CWF19L2: variants seen among roughly 807,000 people sequenced by gnomAD.
The protein encoded by CWF19L2 is CWF19-like protein 2.
CWF19L2 carries 98 observed loss-of-function variants against 111.7 expected under a neutral mutation model. The ratio of observed to expected loss-of-function variants is 0.88; its 90% confidence interval spans 0.75 to 1.04. The LOEUF (loss-of-function observed/expected upper bound fraction) is 1.04, where lower values mean the gene tolerates loss of function less well. Ranked by LOEUF, CWF19L2 falls within the 50% of genes least tolerant of loss-of-function variation. The pLI is 0.00. For missense variants in CWF19L2, 1,101 were observed against 1,051.4 expected (o/e 1.05, Z -0.65); for synonymous variants, 351 against 342.9 (o/e 1.02, Z -0.26).
At chr11:107,335,386 C>A (rs1859907314) in intron 15 of CWF19L2, among the ~76,000 whole-genome samples, 1 of 152,036 alleles carries the variant, frequency 6.6e-6, no homozygotes, top group South Asian at 2.1e-4. Flanking sequence ...AGGTCTTGAA[C>A]TATTTCTGCT....
rs1861428040 is a variant in CWF19L2 at position 107,429,252 on chromosome 11, C to T, written c.980G>A (p.Ser327Asn). The T allele has an allele frequency of 1.9e-6, 3 of 1,612,114 alleles. No homozygotes were observed. The East Asian group carries it at 6.7e-5, about 36-fold the overall frequency. Residue 327 changes from serine to asparagine, a missense_variant, in exon 8 of 18, where the codon AGC (serine) becomes AAC (asparagine). Ser to Asn is a conservative substitution (Grantham distance 46). Transcript: ENST00000282251. ...RYATTDTAKNSNNEKFIGDEK... is the reference protein window; with the variant it reads ...RYATTDTAKNNNNEKFIGDEK... ...ATCACCAATAAATTTTTCATTATTG[C>T]TATTTTTTGCAGTATCTGTTGTAGC... is the stretch of plus-strand genomic sequence containing the variant.
chr11:107,455,615 G>T (rs1288208977), intron 2 of CWF19L2, 51 bp downstream of exon 2: 2 of 1,046,840 alleles, frequency 1.9e-6, no homozygotes, highest in Non-Finnish European at 2.8e-6. Flanking sequence ...ACTTGAATAC[G>T]TGCAAAAAAG....
rs1015464186 is a variant in CWF19L2 at position 107,370,906 on chromosome 11, T to C, written c.1873-17170A>G. Reference sequence around the variant, plus strand: ...ACATTAAACTACTGAGAGACATAAGTACCTTTTATCATTTGTCTGTACAAT... The same window carrying C: ...ACATTAAACTACTGAGAGACATAAGCACCTTTTATCATTTGTCTGTACAAT... On this transcript the variant is annotated intron_variant, in intron 12 of 17. Coordinates refer to ENST00000282251, the MANE Select transcript of CWF19L2 (RefSeq NM_152434.3). 7.2e-5 allele frequency among the ~76,000 whole-genome samples: 10 copies of C among 137,950 alleles called. 3 individuals are homozygous for C. In the South Asian group the frequency reaches 2.4e-3, roughly 34 times the overall value. The allele number at this position is 137,950 out of a possible 152,430, so 90.5% of individuals were successfully genotyped here. A position where few individuals can be genotyped will look rare whatever the true frequency, so the allele number is the denominator to read the frequency against.
intron 8 of CWF19L2, among the ~76,000 whole-genome samples, chr11:107,425,166 G>A (rs923121736): frequency 1.4e-5 from 2 of 140,198 alleles, no homozygotes; most frequent in Admixed American, 7.3e-5. Context: ...ACATTAAAAT[G>A]TACTCTCTTT....
chr11:107,376,521 T>C (rs1204929591), intron 12 of CWF19L2, among the ~76,000 whole-genome samples: 5 of 76,252 alleles, frequency 6.6e-5, no homozygotes, highest in Non-Finnish European at 7.1e-5. Context: ...AACCACATGA[T>C]TATCTCAATA....
intron 13 of CWF19L2, among the ~76,000 whole-genome samples, chr11:107,350,097 AAAGAG>A (rs1860135643): frequency 6.6e-6 from 1 of 152,202 alleles, no homozygotes; most frequent in African/African-American, 2.4e-5. Context: ...TAGATACATA[AAAGAG>A]AAAAGAAAAT....
chr11:107,430,291 A>C (rs573519791), intron 7 of CWF19L2, among the ~76,000 whole-genome samples: 1 of 152,206 alleles, frequency 6.6e-6, no homozygotes, highest in Non-Finnish European at 1.5e-5. Flanking sequence ...GGGGTAGATA[A>C]ATAACAAATT....
chr11:107,355,857 C>T (rs1263432925), intron 12 of CWF19L2, among the ~76,000 whole-genome samples: 2 of 152,310 alleles, frequency 1.3e-5, no homozygotes, highest in African/African-American at 4.8e-5. Flanking sequence ...ACGTCGAAGA[C>T]TTGAACACAC....
At chr11:107,443,860 T>C (rs1484314909) in intron 3 of CWF19L2, among the ~76,000 whole-genome samples, 2 of 152,196 alleles carry the variant, frequency 1.3e-5, no homozygotes, top group East Asian at 3.8e-4. Context: ...ATGTCTTCTT[T>C]TACCTCATCA....
At chr11:107,451,570 A>G (rs1861778975) in intron 3 of CWF19L2, among the ~76,000 whole-genome samples, 1 of 152,192 alleles carries the variant, frequency 6.6e-6, no homozygotes, top group African/African-American at 2.4e-5. Flanking sequence ...AAACAAACAG[A>G]AAATAGAAAT....
chr11:107,354,289 G>A (rs1217488295), intron 12 of CWF19L2, among the ~76,000 whole-genome samples: 1 of 152,096 alleles, frequency 6.6e-6, no homozygotes, highest in Non-Finnish European at 1.5e-5. Flanking sequence ...GAACTTGAAA[G>A]CCAACTAAAT....
At chr11:107,440,615 T>C (rs1262964687) in intron 5 of CWF19L2, among the ~76,000 whole-genome samples, 4 of 152,132 alleles carry the variant, frequency 2.6e-5, no homozygotes, top group Non-Finnish European at 5.9e-5. Context: ...TAGAATTGCA[T>C]ACTGAGGACA....
At chr11:107,428,176 C>A (rs1051368734) in intron 8 of CWF19L2, among the ~76,000 whole-genome samples, 2 of 152,066 alleles carry the variant, frequency 1.3e-5, no homozygotes, top group Non-Finnish European at 2.9e-5. Context: ...TCCCATTCAA[C>A]CTGGGTTTCC....
Position 107,336,694 on chromosome 11 carries a change from A to T in CWF19L2, c.2222T>A (p.Val741Glu). ...EEIQMFRKSL[V>E]KMFEDKGLDC... ...TAATCCTTTATCTTCAAACATCTTT[A>T]CCAATGATTTTCTGAACATCTAAAA... Residue 741 changes from valine (V) to glutamate (E), a missense_variant, in exon 15 of 18, where the codon GTA becomes GAA. Val to Glu is a moderately radical substitution (Grantham distance 121, BLOSUM62 -2). Transcript: ENST00000282251. 1 of 1,490,734 alleles carries T rather than the reference A, an allele frequency of 6.7e-7. No homozygotes were observed. Among genetic ancestry groups the T allele is most frequent in the Non-Finnish European group, 9.0e-7 (1 of 1,109,618 alleles). 92.3% of individuals were successfully genotyped at this position (1,490,734 alleles called of 1,614,324 possible). A position where few individuals can be genotyped will look rare whatever the true frequency, so the allele number is the denominator to read the frequency against.
intron 14 of CWF19L2, among the ~76,000 whole-genome samples, chr11:107,340,918 C>T (rs942379365): frequency 2.0e-5 from 3 of 152,158 alleles, no homozygotes; most frequent in South Asian, 2.1e-4. Context: ...TTTGTACCTT[C>T]GTCCATCCTC....
chr11:107,438,916 T>C (rs1402956370), intron 6 of CWF19L2, among the ~76,000 whole-genome samples, 174 bp downstream of exon 6: 1 of 151,718 alleles, frequency 6.6e-6, no homozygotes, highest in Non-Finnish European at 1.5e-5. Context: ...GACATGCACC[T>C]GTAATCCCAA....
At chr11:107,389,851 G>A (rs550192697) in intron 12 of CWF19L2, among the ~76,000 whole-genome samples, 2 of 152,226 alleles carry the variant, frequency 1.3e-5, no homozygotes, top group African/African-American at 4.8e-5. Flanking sequence ...ATGCATTAAA[G>A]AAATAAACCA....
chr11:107,426,477 G>T (rs541782), intron 8 of CWF19L2, among the ~76,000 whole-genome samples: 27,116 of 151,696 alleles, frequency 0.18, 2,603 homozygotes, highest in Middle Eastern at 0.27. Flanking sequence ...TTATTTTACA[G>T]CTATATTTAA....
chr11:107,429,481 C>CT (rs1195063462), intron 7 of CWF19L2, 30 bp from the exon 8 acceptor site: 1 of 1,485,942 alleles, frequency 6.7e-7, no homozygotes, highest in Admixed American at 2.4e-5. Flanking sequence ...AACAAGATAT[C>CT]TAAAATTAGG....
Sources: gnomAD v4.1 joint callset for allele counts (sites outside exome capture counted in the v4.1 genomes callset) on GRCh38, gnomAD v4.1.1 for gene constraint, MANE v1.5 for transcripts, NCBI Gene and HGNC (gene_info 2026-07-23, HGNC 2026-07-21) for gene names.